The following CSRNP3 variants were observed in gnomAD, a reference collection of about 807,000 sequenced individuals.
The protein encoded by CSRNP3 is cysteine/serine-rich nuclear protein 3.
CSRNP3 carries 12 observed loss-of-function variants against 48.0 expected under a neutral mutation model. The observed-to-expected ratio is 0.25, with a 90% CI of 0.16 to 0.41. CSRNP3 has a LOEUF of 0.41. Among genes scored for constraint, CSRNP3 ranks in the 10% least tolerant of loss-of-function variants. CSRNP3 has a pLI of 1.00. For missense variants in CSRNP3, 580 were observed against 724.4 expected, an observed-to-expected ratio of 0.80 and a Z score of 2.29; for synonymous variants, 263 against 269.7, an observed-to-expected ratio of 0.98 and a Z score of 0.24.
At chr2:165,514,793 C>T (rs913651272) in intron 2 of CSRNP3, among the ~76,000 whole-genome samples, 1 of 152,196 alleles carries the variant, frequency 6.6e-6, no homozygotes, top group Admixed American at 6.5e-5. Context: ...CTCAAGTGAA[C>T]CTCCCATCTC....
At chr2:165,590,909 A>T (rs1287804057) in intron 3 of CSRNP3, among the ~76,000 whole-genome samples, 1 of 150,750 alleles carries the variant, frequency 6.6e-6, no homozygotes, top group Non-Finnish European at 1.5e-5. Context: ...TACCACAGGG[A>T]GTGGGGTGCT....
chr2:165,623,017 G>A (rs1022379326), intron 4 of CSRNP3, among the ~76,000 whole-genome samples: 2 of 152,086 alleles, frequency 1.3e-5, no homozygotes, highest in African/African-American at 4.8e-5. Flanking sequence ...TAGGCTCCCT[G>A]TATCTGCAGG....
chr2:165,511,714 G>A (rs2105227262), intron 2 of CSRNP3, among the ~76,000 whole-genome samples: 1 of 152,250 alleles, frequency 6.6e-6, no homozygotes, highest in Non-Finnish European at 1.5e-5. Flanking sequence ...GTGTCTCTTT[G>A]AGCGATATCA....
At chr2:165,551,503 C>G (rs139505381) in intron 3 of CSRNP3, among the ~76,000 whole-genome samples, 3 of 152,256 alleles carry the variant, frequency 2.0e-5, no homozygotes, top group African/African-American at 7.2e-5. Context: ...GATAAAAACT[C>G]TCACATGTGT....
intron 3 of CSRNP3, among the ~76,000 whole-genome samples, chr2:165,530,989 A>G (rs951078233): frequency 6.6e-6 from 1 of 151,832 alleles, no homozygotes; most frequent in African/African-American, 2.4e-5. Flanking sequence ...TTTTTCAGTG[A>G]TCATTTTAAA....
In CSRNP3 at chr2:165,586,398, C is replaced by G. The variant is rs6749686; in HGVS notation, c.-23-8645C>G. On this transcript the variant is annotated intron_variant, in intron 3 of 6. Transcript: ENST00000651982. Reference sequence around the variant, plus strand: ...GTCATTTACTTTCTCACCAAGAGAACGAATGAAGGTTGTCAGATTAACAAA... The same window carrying G: ...GTCATTTACTTTCTCACCAAGAGAAGGAATGAAGGTTGTCAGATTAACAAA... Among the ~76,000 whole-genome samples the G allele has an allele frequency of 3.1e-3, 470 of 152,140 alleles. 4 individuals carry two copies. Among genetic ancestry groups the G allele is most frequent in the African/African-American group, 0.011 (448 of 41,502 alleles).
In CSRNP3 at chr2:165,636,408, C is replaced by T. The variant is rs572598339; in HGVS notation, c.149-21353C>T. ...AAGATGATCTGTATGTTTTCAGAGG[C>T]CTGTATATGAGGATAACTGTACTAA... On this transcript the variant is annotated intron_variant, in intron 4 of 6. Coordinates refer to ENST00000651982, the MANE Select transcript of CSRNP3 (RefSeq NM_001172173.2). Among the ~76,000 whole-genome samples the T allele has an allele frequency of 6.6e-5, 10 of 152,214 alleles. No homozygotes were observed. In the South Asian group the frequency reaches 2.1e-3, roughly 32 times the overall value.
chr2:165,666,052 GAGAGAGGAAGAAA>G (rs1558967247), intron 5 of CSRNP3, among the ~76,000 whole-genome samples: 13 of 70,530 alleles, frequency 1.8e-4, no homozygotes, highest in African/African-American at 2.3e-4. Flanking sequence ...AGGAAGGAAA[GAGAGAGGAAGAAA>G]GAAAGAGAGA....
intron 4 of CSRNP3, among the ~76,000 whole-genome samples, chr2:165,655,733 G>A (rs1686992989): frequency 6.6e-6 from 1 of 152,164 alleles, no homozygotes; most frequent in African/African-American, 2.4e-5. Context: ...TCAGTTTCTG[G>A]TAGCCCCCGA....
intron 2 of CSRNP3, among the ~76,000 whole-genome samples, chr2:165,505,242 C>A (rs1318876894): frequency 1.3e-5 from 2 of 152,150 alleles, no homozygotes; most frequent in East Asian, 3.9e-4. Flanking sequence ...TGATTTCTGT[C>A]CTATAAAGGA....
intron 4 of CSRNP3, among the ~76,000 whole-genome samples, chr2:165,654,828 C>T (rs1417595235): frequency 4.6e-5 from 7 of 152,112 alleles, no homozygotes; most frequent in African/African-American, 1.4e-4. Flanking sequence ...CAGGATTTCA[C>T]CATGTTAGCC....
chr2:165,656,435 A>G (rs941847857), intron 4 of CSRNP3, among the ~76,000 whole-genome samples: 3 of 152,180 alleles, frequency 2.0e-5, no homozygotes, highest in Non-Finnish European at 2.9e-5. Context: ...AAAAATCAAT[A>G]TGTGAGATAA....
At chr2:165,678,211 A>T (rs1452716045) in intron 6 of CSRNP3, among the ~76,000 whole-genome samples, 3 of 152,204 alleles carry the variant, frequency 2.0e-5, no homozygotes, top group Non-Finnish European at 4.4e-5. Context: ...AATAAGCAAA[A>T]GCAAAAGGAA....
chr2:165,557,017 C>T (rs1445225248), intron 3 of CSRNP3, among the ~76,000 whole-genome samples: 3 of 151,996 alleles, frequency 2.0e-5, no homozygotes, highest in South Asian at 4.2e-4. Context: ...ATAGGCTGAG[C>T]GGAAGTCGAA....
At chr2:165,535,854 G>C (rs2105247817) in intron 3 of CSRNP3, among the ~76,000 whole-genome samples, 1 of 151,938 alleles carries the variant, frequency 6.6e-6, no homozygotes, top group East Asian at 1.9e-4. Flanking sequence ...GAAGCTGACA[G>C]TATGATATAT....
chr2:165,543,148 A>ACT lies in CSRNP3; in HGVS notation c.-24+25188_-24+25189dup, dbSNP rs71393681. Among the ~76,000 whole-genome samples, 793 of 152,264 alleles carry ACT rather than the reference A, an allele frequency of 5.2e-3. 4 individuals carry two copies. Among genetic ancestry groups the ACT allele is most frequent in the Middle Eastern group, 0.02 (6 of 294 alleles). On this transcript the variant is annotated intron_variant, in intron 3 of 6. Coordinates refer to ENST00000651982, the MANE Select transcript of CSRNP3 (RefSeq NM_001172173.2). ...ATTTGAGGCCTTGGGATTTTCTTCT[A>ACT]CTTTACTAGACCAGGTTGCCTCATC...
chr2:165,677,191 A>C (rs530017764), intron 6 of CSRNP3, among the ~76,000 whole-genome samples: 1 of 152,368 alleles, frequency 6.6e-6, no homozygotes, highest in South Asian at 2.1e-4. Context: ...CACAGGCCAA[A>C]TCCGACCTTG....
At chr2:165,656,919 G>C (rs1290668848) in intron 4 of CSRNP3, among the ~76,000 whole-genome samples, 2 of 152,210 alleles carry the variant, frequency 1.3e-5, no homozygotes, top group Non-Finnish European at 2.9e-5. Context: ...GAGGAAATGA[G>C]AAATTATAGT....
intron 2 of CSRNP3, among the ~76,000 whole-genome samples, chr2:165,517,293 T>C (rs1684594617): frequency 6.6e-6 from 1 of 152,012 alleles, no homozygotes; most frequent in South Asian, 2.1e-4. Context: ...ACAACATTTT[T>C]GTTAATGTAT....
Sources: gnomAD v4.1 joint callset for allele counts (sites outside exome capture counted in the v4.1 genomes callset) on GRCh38, gnomAD v4.1.1 for gene constraint, MANE v1.5 for transcripts, NCBI Gene and HGNC (gene_info 2026-07-23, HGNC 2026-07-21) for gene names.